Variants in NOVA1 observed in about 807,000 individuals in gnomAD.
The protein encoded by NOVA1 is RNA-binding protein Nova-1.
In NOVA1, 7 loss-of-function variants were observed where a neutral mutation model predicts 38.0. The ratio of observed to expected loss-of-function variants is 0.18; its 90% CI spans 0.10 to 0.35. The LOEUF (loss-of-function observed/expected upper bound fraction) is 0.35. Among genes scored for constraint, NOVA1 ranks in the 10% least tolerant of loss-of-function variants. The pLI is 1.00. For missense variants in NOVA1, 460 were observed against 616.0 expected, an observed-to-expected ratio of 0.75 and a Z score of 2.68; for synonymous variants, 270 against 232.5, an observed-to-expected ratio of 1.16 and a Z score of -1.47.
intron 4 of NOVA1, among the ~76,000 whole-genome samples, chr14:26,451,197 T>C (rs970927903): frequency 5.9e-5 from 9 of 152,252 alleles, no homozygotes; most frequent in African/African-American, 2.2e-4. Flanking sequence ...TCTCACATTA[T>C]ATATGTTTTT....
intron 2 of NOVA1, among the ~76,000 whole-genome samples, chr14:26,583,723 T>C (rs1893353123): frequency 6.6e-6 from 1 of 151,456 alleles, no homozygotes; most frequent in Non-Finnish European, 1.5e-5. Flanking sequence ...TTATAAATGA[T>C]GAAAAATCCC....
intron 4 of NOVA1, among the ~76,000 whole-genome samples, chr14:26,468,295 C>T (rs941165069): frequency 1.6e-5 from 2 of 127,372 alleles, no homozygotes; most frequent in African/African-American, 5.8e-5. Context: ...AGTTGTGGCC[C>T]TCAGTCAAAC....
rs78974592 is a variant in NOVA1, at chr14:26,579,024, AT to A, written c.280+16385del. Reference sequence around the variant, plus strand: ...TTTAACAAAGTTTCTCAGTTTCTTTATTTTTTTTTTTCCATAGCAGGTGGTA... The same window carrying A: ...TTTAACAAAGTTTCTCAGTTTCTTTATTTTTTTTTTCCATAGCAGGTGGTA... On this transcript the variant is annotated intron_variant, in intron 2 of 4. Coordinates refer to ENST00000539517, the MANE Select transcript of NOVA1 (RefSeq NM_002515.3). 0.018 allele frequency among the ~76,000 whole-genome samples: 1,209 copies of A among 67,882 alleles called. 66 individuals are homozygous for A. In the East Asian group the frequency reaches 0.25, roughly 14 times the overall value. 44.5% of individuals were successfully genotyped at this position (67,882 alleles called of 152,430 possible). A position where few individuals can be genotyped will look rare whatever the true frequency, so the allele number is the denominator to read the frequency against.
chr14:26,445,524 C>T lies in NOVA1; in HGVS notation c.*2435G>A, dbSNP rs1285544674. ...TGAACTAAGTGCATTTTCAGCAACA[C>T]TAGCTAATAAAACACACATAATTGT... On this transcript the variant is annotated 3_prime_UTR_variant, in exon 5 of 5. Coordinates refer to ENST00000539517, the MANE Select transcript of NOVA1 (RefSeq NM_002515.3). 3 of 152,178 alleles carry T rather than the reference C, an allele frequency of 2.0e-5. No individual in the cohort carries two copies. The highest frequency in any genetic ancestry group is 4.4e-5 in the Non-Finnish European group (3 of 68,028). The allele number at this position is 152,178 out of a possible 1,614,324, so 9.4% of individuals were successfully genotyped here.
intron 1 of NOVA1, chr14:26,596,431 T>G (rs1235568779): frequency 8.4e-6 from 6 of 715,214 alleles, no homozygotes; most frequent in Non-Finnish European, 1.2e-5. Flanking sequence ...AACTTTAATT[T>G]CCGTCAACTT....
At chr14:26,509,987 T>G (rs178184) in intron 2 of NOVA1, among the ~76,000 whole-genome samples, 96,228 of 152,058 alleles carry the variant, frequency 0.63, 33,012 homozygotes, top group Non-Finnish European at 0.75. Context: ...GCCAATATGG[T>G]CTTTCATTCA....
At chr14:26,483,212 T>C (rs540406959) in intron 2 of NOVA1, among the ~76,000 whole-genome samples, 19 of 152,300 alleles carry the variant, frequency 1.2e-4, no homozygotes, top group African/African-American at 3.6e-4. Flanking sequence ...TAAAATATAT[T>C]CAGTGCTACT....
chr14:26,476,272 C>T (rs1594362779), intron 3 of NOVA1, among the ~76,000 whole-genome samples: 1 of 152,144 alleles, frequency 6.6e-6, no homozygotes, highest in African/African-American at 2.4e-5. Context: ...CCCTAAGAGT[C>T]TGTCTGGATT....
chr14:26,446,157 T>TA lies in NOVA1; in HGVS notation c.*1801dup, dbSNP rs5807362. 81,273 of 145,750 alleles carry TA rather than the reference T, an allele frequency of 0.56. 24,510 individuals are homozygous for TA. The highest frequency in any genetic ancestry group is 0.68 in the Non-Finnish European group (45,080 of 66,550). 9.0% of individuals were successfully genotyped at this position (145,750 alleles called of 1,614,324 possible). ...GAAATAACAGTCCAATGTTAAAAAC[T>TA]AAAAAAAAAAAAATGAGTCTACTCT... On this transcript the variant is annotated 3_prime_UTR_variant, in exon 5 of 5. Transcript: ENST00000539517.
intron 2 of NOVA1, among the ~76,000 whole-genome samples, chr14:26,508,329 T>C (rs1012663146): frequency 6.6e-6 from 1 of 152,010 alleles, no homozygotes; most frequent in Non-Finnish European, 1.5e-5. Flanking sequence ...TGGTATTTCT[T>C]GAAAAGTGAA....
intron 2 of NOVA1, among the ~76,000 whole-genome samples, chr14:26,557,751 T>C (rs1340091189): frequency 6.6e-6 from 1 of 152,082 alleles, no homozygotes; most frequent in African/African-American, 2.4e-5. Flanking sequence ...ACAGCAATCA[T>C]GCTCCTTGGT....
At chr14:26,596,465 C>A (rs1356927800) in intron 1 of NOVA1, 2 of 1,076,192 alleles carry the variant, frequency 1.9e-6, no homozygotes, top group South Asian at 1.3e-5. Context: ...ACAGGAGACA[C>A]CCCGGTAAAT....
intron 2 of NOVA1, among the ~76,000 whole-genome samples, chr14:26,592,571 C>A (rs989856469): frequency 6.6e-6 from 1 of 151,422 alleles, no homozygotes; most frequent in African/African-American, 2.4e-5. Context: ...CCTCATCACA[C>A]AATTTTCTCA....
At chr14:26,490,690 T>C (rs960515725) in intron 2 of NOVA1, among the ~76,000 whole-genome samples, 2 of 152,048 alleles carry the variant, frequency 1.3e-5, no homozygotes, top group African/African-American at 4.8e-5. Context: ...TGTCTTTTTG[T>C]GTGTATGAGA....
At chr14:26,495,219 C>A (rs940692176) in intron 2 of NOVA1, among the ~76,000 whole-genome samples, 5 of 152,118 alleles carry the variant, frequency 3.3e-5, no homozygotes, top group African/African-American at 1.2e-4. Context: ...TCAGAGAAGA[C>A]TTTCTTAACA....
intron 2 of NOVA1, among the ~76,000 whole-genome samples, chr14:26,541,899 GT>G (rs530911368): frequency 8.9e-4 from 135 of 151,732 alleles, no homozygotes; most frequent in African/African-American, 3.2e-3. Context: ...CTGCACACAA[GT>G]AATCATATAT....
chr14:26,481,652 G>A (rs567425502), intron 2 of NOVA1, among the ~76,000 whole-genome samples: 1 of 152,142 alleles, frequency 6.6e-6, no homozygotes, highest in Admixed American at 6.5e-5. Context: ...TGTAAGGGTG[G>A]ATAAAGCCTG....
At chr14:26,483,709 C>G (rs1369247334) in intron 2 of NOVA1, among the ~76,000 whole-genome samples, 1 of 152,078 alleles carries the variant, frequency 6.6e-6, no homozygotes, top group East Asian at 1.9e-4. Context: ...TAGATTAATA[C>G]TGAAAACAGA....
At chr14:26,504,379 C>G (rs1403329260) in intron 2 of NOVA1, among the ~76,000 whole-genome samples, 1 of 152,138 alleles carries the variant, frequency 6.6e-6, no homozygotes, top group African/African-American at 2.4e-5. Flanking sequence ...CTCAATTAAT[C>G]AAATTTCCAA....
Sources: gnomAD v4.1 joint callset for allele counts (sites outside exome capture counted in the v4.1 genomes callset) on GRCh38, gnomAD v4.1.1 for gene constraint, MANE v1.5 for transcripts, NCBI Gene and HGNC (gene_info 2026-07-23, HGNC 2026-07-21) for gene names.